The following MRPL37 variants were observed in gnomAD, a reference collection of about 807,000 sequenced individuals.
MRPL37 encodes the protein large ribosomal subunit protein mL37.
Under a neutral mutation model 44.1 loss-of-function variants are expected in MRPL37, and 34 were observed. The ratio of observed to expected loss-of-function variants is 0.77; its 90% confidence interval spans 0.59 to 1.03. The LOEUF (loss-of-function observed/expected upper bound fraction) is 1.03, where lower values mean the gene tolerates loss of function less well. Ranked by LOEUF, MRPL37 falls within the 50% of genes least tolerant of loss-of-function variation. The pLI, the probability that MRPL37 is intolerant of heterozygous loss-of-function variation, is 0.00. For missense variants in MRPL37, 532 were observed against 543.7 expected, an observed-to-expected ratio of 0.98 and a Z score of 0.21; for synonymous variants, 212 against 219.5, an observed-to-expected ratio of 0.97 and a Z score of 0.30.
At chr1:54,214,526 T>G (rs569524548) in intron 5 of MRPL37, among the ~76,000 whole-genome samples, 6 of 152,182 alleles carry the variant, frequency 3.9e-5, no homozygotes, top group Non-Finnish European at 5.9e-5. Context: ...GCTTGGAACA[T>G]GATCTCTCCA....
intron 3 of MRPL37, among the ~76,000 whole-genome samples, chr1:54,207,159 A>G (rs1329950189): frequency 6.6e-6 from 1 of 152,068 alleles, no homozygotes; most frequent in Non-Finnish European, 1.5e-5. Flanking sequence ...TGTGTTCTTT[A>G]TGCCCATTCT....
intron 4 of MRPL37, 107 bp from the exon 5 acceptor site, chr1:54,212,394 T>C: frequency 7.4e-7 from 1 of 1,349,458 alleles, no homozygotes; most frequent in African/African-American, 1.5e-5. Context: ...CTTTGTTGAG[T>C]CTCTCTGTAG....
intron 4 of MRPL37, 70 bp downstream of exon 4, chr1:54,210,201 A>C: frequency 6.7e-6 from 10 of 1,496,790 alleles, no homozygotes; most frequent in Non-Finnish European, 9.2e-6. Flanking sequence ...GAGGGAAAGG[A>C]TATACTAAGA....
chr1:54,209,985 G>A lies in MRPL37; in HGVS notation c.686G>A (p.Arg229Gln), dbSNP rs552354591. Residue 229 changes from arginine to glutamine, a missense_variant, in exon 4 of 7, where the codon CGA becomes CAA. Arg to Gln is a conservative substitution (Grantham distance 43). Transcript: ENST00000360840. ...LLQVRGSGGARLSTKDPLPTI... is the reference protein window; with the variant it reads ...LLQVRGSGGAQLSTKDPLPTI... ...CAAGTCCGTGGTTCTGGTGGAGCCC[G>A]ACTGAGCACTAAGGATCCTCTGCCC... 13 of 1,614,114 alleles carry A rather than the reference G, an allele frequency of 8.1e-6. No individual in the cohort carries two copies. The East Asian group carries it at 1.6e-4, about 19-fold the overall frequency.
downstream of MRPL37, among the ~76,000 whole-genome samples, chr1:54,224,707 AG>A (rs1644262535): frequency 6.9e-6 from 1 of 145,712 alleles, no homozygotes; most frequent in Admixed American, 6.8e-5. Flanking sequence ...CCAGAGCTCC[AG>A]GGAAGTACAA....
chr1:54,205,685 G>T (rs1644116700), intron 3 of MRPL37, among the ~76,000 whole-genome samples: 1 of 152,152 alleles, frequency 6.6e-6, no homozygotes, highest in Non-Finnish European at 1.5e-5. Context: ...CCTAAATGTT[G>T]AAGGTAAGGA....
In MRPL37 at chr1:54,200,302, T is replaced by C. The variant is rs11544812; in HGVS notation, c.59T>C (p.Leu20Pro). 1.9e-6 allele frequency: 3 copies of C among 1,612,736 alleles called. No homozygotes were observed. The highest frequency in any genetic ancestry group is 1.1e-5 in the South Asian group (1 of 90,990). Reference sequence around the variant, plus strand: ...CTAGCTGGCTCCGGGCAGCTCGGCCTTGGGGGCTTCGGGGCCCCGAGACGC... The same window carrying C: ...CTAGCTGGCTCCGGGCAGCTCGGCCCTGGGGGCTTCGGGGCCCCGAGACGC... ...RALAGSGQLG[L>P]GGFGAPRRGA... Residue 20 changes from leucine to proline, a missense_variant, in exon 1 of 7, where the codon CTT becomes CCT. By Grantham distance (98) the Leu-to-Pro change is moderately conservative. Transcript: ENST00000360840.
chr1:54,205,397 T>C lies in MRPL37; in HGVS notation c.633T>C (p.Ala211=), dbSNP rs1644114619. The C allele has an allele frequency of 3.7e-6, 6 of 1,613,666 alleles. No homozygotes were observed. The highest frequency in any genetic ancestry group is 1.7e-5 in the Admixed American group (1 of 59,950). ...GTGTCCAAAACTCCACGTTTTCTGC[T>C]ACCTGGAACCGAGGTTGGTCATCTT... The part of the protein sequence containing the change: ...RICVQNSTFS[A]TWNRESLLLQ... Residue 211 remains alanine (A), a synonymous_variant, in exon 3 of 7, where the codon GCT becomes GCC. Transcript: ENST00000360840.
At chr1:54,220,376 C>A (rs1041950093), downstream of MRPL37, among the ~76,000 whole-genome samples, 7 of 152,148 alleles carry the variant, frequency 4.6e-5, no homozygotes, top group Non-Finnish European at 1.0e-4. Context: ...CCCAACCCAC[C>A]CTGAATGAGG....
chr1:54,209,228 G>C (rs928428860), intron 3 of MRPL37, among the ~76,000 whole-genome samples: 8 of 152,134 alleles, frequency 5.3e-5, no homozygotes, highest in Non-Finnish European at 8.8e-5. Flanking sequence ...ATCTGGATGG[G>C]GCAGGCTTCG....
At chr1:54,201,744 C>G (rs1644085280) in intron 1 of MRPL37, among the ~76,000 whole-genome samples, 1 of 152,132 alleles carries the variant, frequency 6.6e-6, no homozygotes, top group Non-Finnish European at 1.5e-5. Context: ...GAGCAAATTC[C>G]TTAGTCTCTG....
At chr1:54,211,624 C>G (rs1280054768) in intron 4 of MRPL37, among the ~76,000 whole-genome samples, 1 of 152,082 alleles carries the variant, frequency 6.6e-6, no homozygotes, top group African/African-American at 2.4e-5. Context: ...TCCTGAGTAG[C>G]CGGGACCACA....
At chr1:54,208,269 G>A (rs373711622) in intron 3 of MRPL37, among the ~76,000 whole-genome samples, 9 of 152,098 alleles carry the variant, frequency 5.9e-5, no homozygotes, top group African/African-American at 1.4e-4. Flanking sequence ...TTGGCTGGGT[G>A]CGGTGGCTCA....
At position 54,205,396 on chromosome 1, in the gene MRPL37, C is replaced by T; in HGVS notation, c.632C>T (p.Ala211Val). ...TGTGTCCAAAACTCCACGTTTTCTG[C>T]TACCTGGAACCGAGGTTGGTCATCT... ...RICVQNSTFS[A>V]TWNRESLLLQ... is the part of the protein sequence containing the mutation. Residue 211 changes from alanine (A) to valine (V), a missense_variant, in exon 3 of 7, where the codon GCT becomes GTT. Transcript: ENST00000360840. The T allele has an allele frequency of 4.3e-6, 7 of 1,613,696 alleles. No individual in the cohort carries two copies. The highest frequency in any genetic ancestry group is 5.9e-6 in the Non-Finnish European group (7 of 1,179,738).
intron 4 of MRPL37, 120 bp downstream of exon 4, chr1:54,210,251 T>A (rs1038641222): frequency 3.2e-6 from 3 of 926,896 alleles, no homozygotes; most frequent in African/African-American, 3.3e-5. Flanking sequence ...ATTACCTATC[T>A]CCTAGGATCC....
At chr1:54,220,341 C>T (rs113815833), downstream of MRPL37, among the ~76,000 whole-genome samples, 739 of 152,290 alleles carry the variant, frequency 4.9e-3, 5 homozygotes, top group African/African-American at 0.017. Context: ...CCAGGGTTGC[C>T]GGGCAGGCCT....
rs143987178 is a variant in MRPL37, at chr1:54,218,102, A to G, written c.1195-70A>G. 11 of 1,378,746 alleles carry G rather than the reference A, an allele frequency of 8.0e-6. No individual in the cohort carries two copies. In the East Asian group the frequency reaches 9.2e-5, roughly 11 times the overall value. The allele number at this position is 1,378,746 out of a possible 1,614,324, so 85.4% of individuals were successfully genotyped here. On this transcript the variant is annotated intron_variant, in intron 6 of 6. Transcript: ENST00000360840. ...GTCCAGGCACTGAAGATTTACTTCA[A>G]TCCAATCTTTGTTTTAATTGCTGCC...
rs534186333 is a variant in MRPL37, at chr1:54,204,950, C to T, written c.347-68C>T. ...GCCTTTTTACTAAGATGCTACCTGG[C>T]AGGTGTAAGCATCTCTTCCTGAATC... On this transcript the variant is annotated intron_variant, in intron 1 of 6. Transcript: ENST00000360840. 1.1e-5 allele frequency: 16 copies of T among 1,518,950 alleles called. No homozygotes were observed. In the South Asian group the frequency reaches 1.8e-4, roughly 17 times the overall value. 94.1% of individuals were successfully genotyped at this position (1,518,950 alleles called of 1,614,324 possible).
intron 4 of MRPL37, among the ~76,000 whole-genome samples, chr1:54,211,557 A>G (rs747409142): frequency 5.3e-5 from 8 of 151,820 alleles, no homozygotes; most frequent in Non-Finnish European, 8.8e-5. Flanking sequence ...AAGTAGCACA[A>G]TTGTTGCTCA....
Sources: gnomAD v4.1 joint callset for allele counts (sites outside exome capture counted in the v4.1 genomes callset) on GRCh38, gnomAD v4.1.1 for gene constraint, MANE v1.5 for transcripts, NCBI Gene and HGNC (gene_info 2026-07-23, HGNC 2026-07-21) for gene names.